RHOBTB1: variants seen among roughly 807,000 people sequenced by gnomAD.
RHOBTB1 encodes the protein Rho related BTB domain containing 1.
In RHOBTB1, 40 loss-of-function variants were observed where a neutral mutation model predicts 71.6. The observed-to-expected ratio is 0.56, with a 90% confidence interval of 0.43 to 0.73. RHOBTB1 has a LOEUF of 0.73. Among genes scored for constraint, RHOBTB1 ranks in the 30% least tolerant of loss-of-function variants. The pLI, the probability that RHOBTB1 is intolerant of heterozygous loss-of-function variation, is 0.00. For missense variants in RHOBTB1, 797 were observed against 894.0 expected, an observed-to-expected ratio of 0.89 and a Z score of 1.38; for synonymous variants, 319 against 334.9, an observed-to-expected ratio of 0.95 and a Z score of 0.52.
chr10:60,954,073 T>C lies in RHOBTB1; in HGVS notation c.-61-12219A>G, dbSNP rs150012070. ...TTTTAAAAGTGTATGTGTGTGTGTG[T>C]TTGTGTGTAGTTTTATTTATTTATT... On this transcript the variant is annotated intron_variant, in intron 2 of 11. Coordinates refer to the RHOBTB1 transcript ENST00000357917. 2.5e-3 allele frequency among the ~76,000 whole-genome samples: 385 copies of C among 152,292 alleles called. 2 individuals carry two copies. The highest frequency in any genetic ancestry group is 8.6e-3 in the African/African-American group (357 of 41,560).
At chr10:60,994,020 G>T (rs2086959407) in intron 1 of RHOBTB1, among the ~76,000 whole-genome samples, 1 of 152,190 alleles carries the variant, frequency 6.6e-6, no homozygotes, top group Middle Eastern at 3.4e-3. Flanking sequence ...TTTCACTGGG[G>T]AGGAGTTTCA....
rs2085090793 is a variant in RHOBTB1 at position 60,944,097 on chromosome 10, G to C, written c.-188C>G. ...GGTGTGCGGGGCCCCTGCGCGCGGC[G>C]CGCCGCCCGCCGCCCAACTTTGCAC... On this transcript the variant is annotated 5_prime_UTR_variant, in exon 1 of 11. Transcript: ENST00000337910. The C allele has an allele frequency of 6.6e-6, 1 of 151,668 alleles. No individual in the cohort carries two copies. Among genetic ancestry groups the C allele is most frequent in the African/African-American group, 2.4e-5 (1 of 41,356 alleles). The allele number at this position is 151,668 out of a possible 1,614,324, so 9.4% of individuals were successfully genotyped here.
intron 2 of RHOBTB1, among the ~76,000 whole-genome samples, chr10:60,968,979 C>T (rs936551649): frequency 2.6e-5 from 4 of 151,870 alleles, no homozygotes; most frequent in African/African-American, 9.7e-5. Context: ...TTGTTATTGT[C>T]AATATTTTTT....
intron 2 of RHOBTB1, among the ~76,000 whole-genome samples, chr10:60,926,383 G>GACCAAACACTGGTCTCAT (rs1565000007): frequency 6.6e-6 from 1 of 152,162 alleles, no homozygotes; most frequent in Non-Finnish European, 1.5e-5. Flanking sequence ...TATTCTATGA[G>GACCAAACACTGGTCTCAT]ACCAGTGTTA....
At chr10:60,979,578 A>G (rs933098273) in intron 2 of RHOBTB1, among the ~76,000 whole-genome samples, 1 of 152,182 alleles carries the variant, frequency 6.6e-6, no homozygotes, top group Non-Finnish European at 1.5e-5. Flanking sequence ...ACTTCAATTC[A>G]ATTTAACCAA....
chr10:60,896,540 A>G (rs7074600), intron 4 of RHOBTB1, among the ~76,000 whole-genome samples: 55,657 of 152,120 alleles, frequency 0.37, 10,990 homozygotes, highest in East Asian at 0.58. Flanking sequence ...TGAATACTGA[A>G]AAGGGGTAGG....
intron 1 of RHOBTB1, among the ~76,000 whole-genome samples, chr10:60,991,268 C>T (rs561798421): frequency 2.0e-5 from 3 of 152,066 alleles, no homozygotes; most frequent in South Asian, 4.2e-4. Flanking sequence ...ACCAAAAAAA[C>T]GATAAACAAC....
chr10:60,944,999 C>T (rs1417023561), upstream of RHOBTB1, among the ~76,000 whole-genome samples: 1 of 152,200 alleles, frequency 6.6e-6, no homozygotes, highest in Non-Finnish European at 1.5e-5. Context: ...CATGCCTCCT[C>T]ACAGAAACTT....
intron 2 of RHOBTB1, among the ~76,000 whole-genome samples, chr10:60,967,378 C>A (rs555196753): frequency 9.9e-5 from 15 of 151,028 alleles, no homozygotes; most frequent in Non-Finnish European, 1.9e-4. Context: ...CCGCAATCTC[C>A]ACCTCCTGGG....
intron 4 of RHOBTB1, among the ~76,000 whole-genome samples, chr10:60,907,269 C>T (rs2082726986): frequency 6.6e-6 from 1 of 152,196 alleles, no homozygotes. Context: ...AAAGGCAGAG[C>T]CCATCCTGTT....
chr10:60,983,171 G>C (rs2086558116), intron 2 of RHOBTB1, among the ~76,000 whole-genome samples: 1 of 152,196 alleles, frequency 6.6e-6, no homozygotes, highest in Middle Eastern at 3.4e-3. Flanking sequence ...ATTTTATTCA[G>C]TATTAAAAAT....
chr10:60,998,332 A>G (rs563114661), intron 1 of RHOBTB1, among the ~76,000 whole-genome samples: 1 of 152,258 alleles, frequency 6.6e-6, no homozygotes, highest in Non-Finnish European at 1.5e-5. Flanking sequence ...ACTATGTGCT[A>G]TTCATCACTG....
upstream of RHOBTB1, among the ~76,000 whole-genome samples, chr10:60,947,232 G>C (rs149960628): frequency 2.3e-4 from 35 of 152,218 alleles, no homozygotes; most frequent in South Asian, 6.6e-3. Context: ...ATCATTGCTT[G>C]CTGATAGAAT....
chr10:60,873,754 G>A (rs934289272), intron 9 of RHOBTB1, among the ~76,000 whole-genome samples: 1 of 152,240 alleles, frequency 6.6e-6, no homozygotes, highest in African/African-American at 2.4e-5. Context: ...TGCATTAGAT[G>A]TCTATTCTCA....
At chr10:60,985,705 T>G (rs965615783) in intron 2 of RHOBTB1, 5 of 152,212 alleles carry the variant, frequency 3.3e-5, no homozygotes, top group Admixed American at 2.6e-4. Context: ...TATTTCTATT[T>G]TTTGTGAAAC....
In RHOBTB1 at chr10:60,882,044, T is replaced by A. The variant is rs545983992; in HGVS notation, c.1576-3986A>T. Among the ~76,000 whole-genome samples, 353 of 152,282 alleles carry A rather than the reference T, an allele frequency of 2.3e-3. 5 individuals carry two copies. Among genetic ancestry groups the A allele is most frequent in the African/African-American group, 7.9e-3 (330 of 41,554 alleles). ...TTTTTTCCCCTCATGGCTGATTTTT[T>A]AAAAAAGCCCGTTTCTGTGATTTCA... is the stretch of plus-strand genomic sequence containing the variant. On this transcript the variant is annotated intron_variant, in intron 7 of 10. Transcript: ENST00000337910.
intron 5 of RHOBTB1, among the ~76,000 whole-genome samples, chr10:60,891,762 G>A (rs2081931119): frequency 6.6e-6 from 1 of 152,030 alleles, no homozygotes; most frequent in Non-Finnish European, 1.5e-5. Context: ...TGAGGGAACT[G>A]ACATTTTAAA....
rs1201190831 is a variant in RHOBTB1, at chr10:60,889,116, T to C, written c.552A>G (p.Pro184=). 1 of 1,614,170 alleles carries C rather than the reference T, an allele frequency of 6.2e-7. No homozygotes were observed. Among genetic ancestry groups the C allele is most frequent in the Non-Finnish European group, 8.5e-7 (1 of 1,180,002 alleles). Residue 184 remains proline, a synonymous_variant, in exon 6 of 11, where the codon CCA becomes CCG. Coordinates refer to ENST00000337910, the MANE Select transcript of RHOBTB1 (RefSeq NM_014836.5). ...GREVAKELGL[P]YYETSVFDQF... ...GGTCAAACACGCTTGTTTCATAGTA[T>C]GGTAAGCCAAGTTCCTTTGCTACCT...
At chr10:60,863,276 C>T in the RHOBTB1 span, among the ~76,000 whole-genome samples, 2 of 151,992 alleles carry the variant, frequency 1.3e-5, no homozygotes, top group Non-Finnish European at 2.9e-5. Context: ...GGGGGGAGTA[C>T]AAATAATTAT....
Sources: gnomAD v4.1 joint callset for allele counts (sites outside exome capture counted in the v4.1 genomes callset) on GRCh38, gnomAD v4.1.1 for gene constraint, MANE v1.5 for transcripts, NCBI Gene and HGNC (gene_info 2026-07-23, HGNC 2026-07-21) for gene names.